Variants in RAB6B observed in about 807,000 individuals in gnomAD.
RAB6B encodes RAB6B, member RAS oncogene family.
Under a neutral mutation model 31.2 loss-of-function variants are expected in RAB6B, and 7 were observed. The ratio of observed to expected loss-of-function variants is 0.22; its 90% CI spans 0.13 to 0.42. The LOEUF (loss-of-function observed/expected upper bound fraction) is 0.42. Among genes scored for constraint, RAB6B ranks in the 10% least tolerant of loss-of-function variants. The pLI, the probability that RAB6B is intolerant of heterozygous loss-of-function variation, is 1.00. For synonymous variants in RAB6B, 105 were observed against 104.9 expected (o/e 1.00, Z -0.01); for missense variants, 149 against 280.6 (o/e 0.53, Z 3.35).
intron 1 of RAB6B, among the ~76,000 whole-genome samples, chr3:133,882,996 T>A (rs140835896): frequency 1.6e-4 from 24 of 152,272 alleles, no homozygotes; most frequent in Non-Finnish European, 2.9e-4. Context: ...ACAAGTAGGA[T>A]TTGCTAATAT....
intron 1 of RAB6B, among the ~76,000 whole-genome samples, chr3:133,873,777 G>A (rs1272923642): frequency 1.3e-5 from 2 of 152,174 alleles, no homozygotes; most frequent in Admixed American, 6.5e-5. Context: ...ATCCTCATAC[G>A]ACTTTTTAGT....
In RAB6B at chr3:133,824,408, G is replaced by A. The variant is rs929876756; in HGVS notation, c.*4380C>T. On this transcript the variant is annotated 3_prime_UTR_variant, in exon 8 of 8. Coordinates refer to ENST00000285208, the MANE Select transcript of RAB6B (RefSeq NM_016577.4). ...CAATCACTTTAAAGGGATGGGTGAG[G>A]GGAAAGTGAGGGGAGAAGTGGACAC... 2.0e-5 allele frequency: 3 copies of A among 152,196 alleles called. No individual in the cohort carries two copies. Among genetic ancestry groups the A allele is most frequent in the African/African-American group, 7.2e-5 (3 of 41,428 alleles). 9.4% of individuals were successfully genotyped at this position (152,196 alleles called of 1,614,324 possible).
intron 1 of RAB6B, among the ~76,000 whole-genome samples, chr3:133,872,340 T>C (rs1936337349): frequency 6.6e-6 from 1 of 152,250 alleles, no homozygotes; most frequent in Non-Finnish European, 1.5e-5. Context: ...GCCATGCAGC[T>C]GGGAAGGAGG....
chr3:133,880,835 C>T (rs1936457484), intron 1 of RAB6B, among the ~76,000 whole-genome samples: 1 of 152,210 alleles, frequency 6.6e-6, no homozygotes. Context: ...AAAGAACTCT[C>T]CTCCTGCCCC....
intron 6 of RAB6B, among the ~76,000 whole-genome samples, chr3:133,837,895 C>G (rs1022169137): frequency 5.3e-5 from 8 of 152,232 alleles, no homozygotes; most frequent in Non-Finnish European, 8.8e-5. Flanking sequence ...ACTCTTAGGG[C>G]CTGCTACGTG....
rs1452517337 is a variant in RAB6B at position 133,895,287 on chromosome 3, C to T, written c.70+110G>A. On this transcript the variant is annotated intron_variant, in intron 1 of 7. Transcript: ENST00000285208. ...CCCATCCCTGTCCCTCTCCTCTACC[C>T]TGGCAAGGAGGGGCCTTTCCGAGCC... 23 of 1,224,608 alleles carry T rather than the reference C, an allele frequency of 1.9e-5. No individual in the cohort carries two copies. In the South Asian group the frequency reaches 2.8e-4, roughly 15 times the overall value. The allele number at this position is 1,224,608 out of a possible 1,614,324, so 75.9% of individuals were successfully genotyped here.
intron 1 of RAB6B, among the ~76,000 whole-genome samples, chr3:133,886,193 G>A (rs779742405): frequency 2.0e-5 from 3 of 152,156 alleles, no homozygotes; most frequent in Non-Finnish European, 4.4e-5. Flanking sequence ...TCTGCCCTCA[G>A]TGCCTCCCCT....
chr3:133,872,030 G>A (rs1461456111), intron 1 of RAB6B, among the ~76,000 whole-genome samples: 1 of 152,230 alleles, frequency 6.6e-6, no homozygotes, highest in Non-Finnish European at 1.5e-5. Context: ...CATCTTGGTG[G>A]GCTGCCCACC....
At chr3:133,832,214 G>A (rs907905341) in intron 7 of RAB6B, among the ~76,000 whole-genome samples, 1 of 152,186 alleles carries the variant, frequency 6.6e-6, no homozygotes, top group Admixed American at 6.5e-5. Flanking sequence ...TGGGGGTTGG[G>A]GGGTTGTGTA....
chr3:133,849,598 G>A (rs1035827416), intron 2 of RAB6B, among the ~76,000 whole-genome samples: 3 of 152,232 alleles, frequency 2.0e-5, no homozygotes, highest in Non-Finnish European at 4.4e-5. Flanking sequence ...CACACAGTCA[G>A]TAGTGTCAGA....
chr3:133,895,544 G>A lies in RAB6B; in HGVS notation c.-78C>T, dbSNP rs1454335998. 8.8e-6 allele frequency: 13 copies of A among 1,470,914 alleles called. No individual in the cohort carries two copies. Among genetic ancestry groups the A allele is most frequent in the African/African-American group, 2.8e-5 (2 of 71,396 alleles). The allele number at this position is 1,470,914 out of a possible 1,614,324, so 91.1% of individuals were successfully genotyped here. A position where few individuals can be genotyped will look rare whatever the true frequency, so the allele number is the denominator to read the frequency against. ...GGGAGGGGAGAGTAGGAGGGCGAGG[G>A]GAGGCGGCCGGCGGTGCGGGAGCCG... is the stretch of plus-strand genomic sequence containing the variant. On this transcript the variant is annotated 5_prime_UTR_variant, in exon 1 of 8. Transcript: ENST00000285208.
At position 133,851,822 on chromosome 3, in the gene RAB6B, ATGGGCTT is replaced by A. The variant is rs1027674005; in HGVS notation, c.130-10166_130-10160del. On this transcript the variant is annotated intron_variant, in intron 2 of 7. Coordinates refer to ENST00000285208, the MANE Select transcript of RAB6B (RefSeq NM_016577.4). ...TTTGCATCTTCTCTGATGATAAATC[ATGGGCTT>A]TGGGTGATGAAATAAAAGACGACCT... Among the ~76,000 whole-genome samples, 16 of 152,306 alleles carry A rather than the reference ATGGGCTT, an allele frequency of 1.1e-4. 1 individual carries two copies. The highest frequency in any genetic ancestry group is 8.5e-4 in the Admixed American group (13 of 15,300).
intron 1 of RAB6B, among the ~76,000 whole-genome samples, chr3:133,866,680 C>T (rs992356933): frequency 3.3e-5 from 5 of 152,238 alleles, no homozygotes; most frequent in Non-Finnish European, 5.9e-5. Context: ...AAGTAGGGGG[C>T]CTCCCATACC....
At chr3:133,889,410 A>T (rs1182729767) in intron 1 of RAB6B, among the ~76,000 whole-genome samples, 5 of 44,066 alleles carry the variant, frequency 1.1e-4, no homozygotes, top group Non-Finnish European at 1.7e-4. Flanking sequence ...ATATATATAT[A>T]TATATATATA....
intron 4 of RAB6B, among the ~76,000 whole-genome samples, chr3:133,840,016 G>A (rs1260085541): frequency 6.6e-6 from 1 of 152,006 alleles, no homozygotes. Context: ...ATGCGCGCGC[G>A]ACTTGGCAAG....
intron 2 of RAB6B, among the ~76,000 whole-genome samples, chr3:133,863,035 T>C (rs892001999): frequency 6.6e-6 from 1 of 152,188 alleles, no homozygotes; most frequent in Non-Finnish European, 1.5e-5. Context: ...ACCGATCCAG[T>C]AGAACTCCCC....
At chr3:133,848,986 G>GC (rs1268553516) in intron 2 of RAB6B, among the ~76,000 whole-genome samples, 1 of 152,096 alleles carries the variant, frequency 6.6e-6, no homozygotes, top group African/African-American at 2.4e-5. Context: ...GCATTCTATG[G>GC]ACTCATTCCC....
chr3:133,830,315 TG>T (rs530103349), intron 7 of RAB6B, among the ~76,000 whole-genome samples: 10 of 152,340 alleles, frequency 6.6e-5, no homozygotes, highest in African/African-American at 2.2e-4. Flanking sequence ...GTGACAATCA[TG>T]TCACACTCTG....
At chr3:133,841,585 C>T in intron 3 of RAB6B, 25 bp downstream of exon 3, 1 of 1,612,758 alleles carries the variant, frequency 6.2e-7, no homozygotes, top group Non-Finnish European at 8.5e-7. Context: ...CCCTGCCCCT[C>T]CCAGTCCTGA....
Sources: gnomAD v4.1 joint callset for allele counts (sites outside exome capture counted in the v4.1 genomes callset) on GRCh38, gnomAD v4.1.1 for gene constraint, MANE v1.5 for transcripts, NCBI Gene and HGNC (gene_info 2026-07-23, HGNC 2026-07-21) for gene names.